Variants in NALCN observed in about 807,000 individuals in gnomAD.
NALCN encodes the protein sodium leak channel, non-selective.
NALCN carries 111 observed loss-of-function variants against 225.3 expected under a neutral mutation model. The observed-to-expected ratio is 0.49, with a 90% CI of 0.42 to 0.58. The LOEUF (loss-of-function observed/expected upper bound fraction) is 0.58, where lower values mean the gene tolerates loss of function less well. Among genes scored for constraint, NALCN ranks in the 20% least tolerant of loss-of-function variants. NALCN has a pLI of 0.00. For synonymous variants in NALCN, 764 were observed against 769.0 expected, an observed-to-expected ratio of 0.99 and a Z score of 0.11; for missense variants, 1,378 against 2,202.4, an observed-to-expected ratio of 0.63 and a Z score of 7.49.
intron 15 of NALCN, among the ~76,000 whole-genome samples, chr13:101,173,428 G>A (rs570206519): frequency 1.5e-3 from 228 of 152,230 alleles, no homozygotes; most frequent in African/African-American, 5.2e-3. Context: ...TTCTAGCTCC[G>A]ACATTTGTTG....
intron 2 of NALCN, among the ~76,000 whole-genome samples, chr13:101,398,035 G>A (rs1435611288): frequency 6.6e-6 from 1 of 152,084 alleles, no homozygotes; most frequent in Non-Finnish European, 1.5e-5. Flanking sequence ...CTGCTGATGG[G>A]GCTCAAGTGG....
At chr13:101,140,250 C>T (rs1048712262) in intron 17 of NALCN, among the ~76,000 whole-genome samples, 4 of 152,070 alleles carry the variant, frequency 2.6e-5, no homozygotes, top group African/African-American at 7.2e-5. Flanking sequence ...GGGTTCGCTT[C>T]GGGCGGGCGC....
At chr13:101,324,698 A>G (rs1018028268) in intron 7 of NALCN, among the ~76,000 whole-genome samples, 1 of 152,130 alleles carries the variant, frequency 6.6e-6, no homozygotes, top group African/African-American at 2.4e-5. Flanking sequence ...GGTTTTCTAG[A>G]TATACAATCA....
At chr13:101,222,600 A>G (rs1375253379) in intron 13 of NALCN, among the ~76,000 whole-genome samples, 1 of 151,776 alleles carries the variant, frequency 6.6e-6, no homozygotes, top group Non-Finnish European at 1.5e-5. Flanking sequence ...TATGATACCC[A>G]CTCTCTCCCA....
At chr13:101,232,159 C>G (rs1400919142) in intron 12 of NALCN, among the ~76,000 whole-genome samples, 1 of 151,804 alleles carries the variant, frequency 6.6e-6, no homozygotes, top group Non-Finnish European at 1.5e-5. Context: ...TACACTGAGC[C>G]CCTGACACCA....
At chr13:101,137,981 C>A (rs191652262) in intron 17 of NALCN, among the ~76,000 whole-genome samples, 275 of 152,268 alleles carry the variant, frequency 1.8e-3, no homozygotes, top group African/African-American at 6.2e-3. Flanking sequence ...ACTCTTCTAC[C>A]CAATTTCTCT....
At chr13:101,345,055 A>G (rs1303882024) in intron 7 of NALCN, among the ~76,000 whole-genome samples, 1 of 152,218 alleles carries the variant, frequency 6.6e-6, no homozygotes, top group African/African-American at 2.4e-5. Flanking sequence ...AACTCCATAC[A>G]AACACTGCTG....
intron 13 of NALCN, among the ~76,000 whole-genome samples, chr13:101,208,175 C>T (rs1335959016): frequency 1.3e-5 from 2 of 152,176 alleles, no homozygotes; most frequent in East Asian, 3.9e-4. Flanking sequence ...CTGAAGCCAG[C>T]AAGACCACGA....
At chr13:101,130,694 T>C (rs527651938) in intron 17 of NALCN, among the ~76,000 whole-genome samples, 2 of 152,348 alleles carry the variant, frequency 1.3e-5, no homozygotes, top group South Asian at 2.1e-4. Context: ...ACATAAAGCA[T>C]TGCTGCTGAA....
chr13:101,107,641 T>G (rs546862306), intron 21 of NALCN, 32 bp from the exon 22 acceptor site: 1 of 1,614,030 alleles, frequency 6.2e-7, no homozygotes, highest in African/African-American at 1.3e-5. Flanking sequence ...AGAATGAGGC[T>G]AAGGGAAATT....
chr13:101,082,796 C>T lies in NALCN; in HGVS notation c.3765+13G>A. On this transcript the variant is annotated intron_variant, in intron 33 of 43. Coordinates refer to ENST00000251127, the MANE Select transcript of NALCN (RefSeq NM_052867.4). ...CACAGATTCCCCCAGAGCTAGCTGA[C>T]TCATTACAGTACCTCCAGAACAAAG... 6.2e-7 allele frequency: 1 copy of T among 1,614,024 alleles called. No individual in the cohort carries two copies. The highest frequency in any genetic ancestry group is 1.1e-5 in the South Asian group (1 of 91,082).
chr13:101,233,141 T>C (rs1418406781), intron 12 of NALCN, among the ~76,000 whole-genome samples: 4 of 152,142 alleles, frequency 2.6e-5, no homozygotes, highest in African/African-American at 9.7e-5. Flanking sequence ...TTTTTGATTT[T>C]GTGTTCCTAC....
At chr13:101,165,565 G>C (rs1446414516) in intron 15 of NALCN, among the ~76,000 whole-genome samples, 1 of 152,154 alleles carries the variant, frequency 6.6e-6, no homozygotes. Flanking sequence ...GATCTCTTGG[G>C]CTCAAGCAAT....
chr13:101,211,238 A>T (rs1044642012), intron 13 of NALCN, among the ~76,000 whole-genome samples: 1 of 152,310 alleles, frequency 6.6e-6, no homozygotes, highest in East Asian at 1.9e-4. Flanking sequence ...TATTAATGTA[A>T]GATGGCAATT....
At chr13:101,154,785 A>T (rs1023966750) in intron 15 of NALCN, among the ~76,000 whole-genome samples, 1 of 152,208 alleles carries the variant, frequency 6.6e-6, no homozygotes, top group Admixed American at 6.5e-5. Flanking sequence ...AGCCTTTACA[A>T]TATGGAATCA....
At chr13:101,415,232 T>C (rs888334247) in intron 1 of NALCN, among the ~76,000 whole-genome samples, 71 of 147,322 alleles carry the variant, frequency 4.8e-4, no homozygotes, top group Admixed American at 1.9e-3. Context: ...TATACATACA[T>C]ATATATTTCA....
chr13:101,174,500 G>T (rs2038878223), intron 15 of NALCN, among the ~76,000 whole-genome samples: 1 of 152,070 alleles, frequency 6.6e-6, no homozygotes, highest in Admixed American at 6.5e-5. Context: ...TTTTATTGTT[G>T]CTTCTTCACT....
chr13:101,226,301 T>C (rs1306053116), intron 13 of NALCN, among the ~76,000 whole-genome samples: 4 of 152,058 alleles, frequency 2.6e-5, no homozygotes, highest in African/African-American at 7.2e-5. Context: ...TTCCCTCACA[T>C]AGAAACATTC....
At chr13:101,388,495 A>G (rs2047055590) in intron 3 of NALCN, among the ~76,000 whole-genome samples, 2 of 152,214 alleles carry the variant, frequency 1.3e-5, no homozygotes, top group Admixed American at 6.5e-5. Flanking sequence ...AATACTGGAA[A>G]TGGCTAATTT....
Sources: allele counts gnomAD v4.1 joint callset (sites outside exome capture counted in the v4.1 genomes callset), GRCh38; gene constraint gnomAD v4.1.1; transcripts MANE v1.5; gene names NCBI Gene and HGNC (gene_info 2026-07-23, HGNC 2026-07-21).